The following MYH7 variants were observed in gnomAD, a reference collection of about 807,000 sequenced individuals.
MYH7 encodes myosin-7.
A neutral mutation model predicts 225.4 loss-of-function variants in MYH7; 129 were observed. That is an observed-to-expected ratio of 0.57 (90% confidence interval 0.50 to 0.66). The LOEUF (loss-of-function observed/expected upper bound fraction) is 0.66, where lower values mean the gene tolerates loss of function less well. Among genes scored for constraint, MYH7 ranks in the 30% least tolerant of loss-of-function variants. The pLI, the probability that MYH7 is intolerant of heterozygous loss-of-function variation, is 0.00. For missense variants in MYH7, 1,649 were observed against 2,517.0 expected, an observed-to-expected ratio of 0.66 and a Z score of 7.38; for synonymous variants, 971 against 1,007.6, an observed-to-expected ratio of 0.96 and a Z score of 0.69.
intron 12 of MYH7, among the ~76,000 whole-genome samples, 177 bp downstream of exon 12, chr14:23,429,598 C>CCCAGG (rs1203128792): frequency 6.6e-6 from 1 of 151,506 alleles, no homozygotes; most frequent in African/African-American, 2.4e-5. Context: ...ATCACTTGAA[C>CCCAGG]CCAGGATGTG....
chr14:23,425,141 C>A lies in MYH7; in HGVS notation c.2424-117G>T. On this transcript the variant is annotated intron_variant, in intron 21 of 39. Coordinates refer to ENST00000355349, the MANE Select transcript of MYH7 (RefSeq NM_000257.4). This position sits in a 1 kb window ranked among gnomAD's most constrained non-coding sequence, Gnocchi z 4.6. ...CTCCCACCCTTCCTGAGGCCTCTGA[C>A]CCTGTGACTGCAGTGTGTTCATATG... 4 of 1,600,132 alleles carry A rather than the reference C, an allele frequency of 2.5e-6. No individual in the cohort carries two copies. Among genetic ancestry groups the A allele is most frequent in the Non-Finnish European group, 3.4e-6 (4 of 1,169,406 alleles).
In MYH7 at chr14:23,433,690, A is replaced by C; in HGVS notation, c.43T>G (p.Tyr15Asp). 6.2e-7 allele frequency: 1 copy of C among 1,614,232 alleles called. No individual in the cohort carries two copies. The highest frequency in any genetic ancestry group is 8.5e-7 in the Non-Finnish European group (1 of 1,180,046). The part of the protein sequence containing the change: ...EMAVFGAAAP[Y>D]LRKSEKERLE... ...CGCTCCTTCTCTGACTTGCGCAGGTAGGGGGCGGCAGCCCCAAAGACTGCC... is the reference window on the plus strand; with the variant it reads ...CGCTCCTTCTCTGACTTGCGCAGGTCGGGGGCGGCAGCCCCAAAGACTGCC... Residue 15 changes from tyrosine (Y) to aspartate (D), a missense_variant, in exon 3 of 40, where the codon TAC becomes GAC. Physicochemically the swap from Tyr to Asp is radical, Grantham distance 160. Coordinates refer to ENST00000355349, the MANE Select transcript of MYH7 (RefSeq NM_000257.4). The surrounding 1 kb of genome is among the most constrained non-coding windows in gnomAD (Gnocchi z 4.1).
chr14:23,424,634 G>A (rs2138664997), intron 22 of MYH7, 135 bp downstream of exon 22: 1 of 1,440,846 alleles, frequency 6.9e-7, no homozygotes, highest in Non-Finnish European at 9.5e-7. Flanking sequence ...CTCTTTGGAG[G>A]TCTTTAGAAG....
intron 29 of MYH7, among the ~76,000 whole-genome samples, chr14:23,418,698 G>T (rs1187201853): frequency 6.6e-6 from 1 of 152,222 alleles, no homozygotes; most frequent in African/African-American, 2.4e-5. Context: ...GCTCAGAAAG[G>T]TTAGGGGACT....
At position 23,419,968 on chromosome 14, in the gene MYH7, G is replaced by C. The variant is rs201576345; in HGVS notation, c.3603C>G (p.Ala1201=). 5.0e-6 allele frequency: 8 copies of C among 1,606,416 alleles called. No homozygotes were observed. The highest frequency in any genetic ancestry group is 2.2e-5 in the East Asian group (1 of 44,750). ...ALRKKHADSV[A]ELGEQIDNLQ... ...GGTTGTCGATCTGCTCGCCCAGCTC[G>C]GCCACGCTGTCGGCGTGCTTCTTGC... Residue 1201 remains alanine (A), a synonymous_variant, in exon 27 of 40, where the codon GCC becomes GCG. Transcript: ENST00000355349.
At chr14:23,413,075 A>T (rs1488738160) in intron 39 of MYH7, among the ~76,000 whole-genome samples, 1 of 152,188 alleles carries the variant, frequency 6.6e-6, no homozygotes. Flanking sequence ...GGGGTTGGTC[A>T]GAGGGAAGTT....
At position 23,426,093 on chromosome 14, in the gene MYH7, A is replaced by C; in HGVS notation, c.2045-12T>G. ...GTTGTCCATCACCCCTGTGGCAAGA[A>C]GGAAGTAGGAGGAGTCTGTGAGAAC... On this transcript the variant is annotated splice_polypyrimidine_tract_variant and intron_variant, in intron 18 of 39. Coordinates refer to ENST00000355349, the MANE Select transcript of MYH7 (RefSeq NM_000257.4). 1 of 1,613,924 alleles carries C rather than the reference A, an allele frequency of 6.2e-7. No individual in the cohort carries two copies. The highest frequency in any genetic ancestry group is 8.5e-7 in the Non-Finnish European group (1 of 1,179,870).
intron 1 of MYH7, 110 bp from the exon 2 acceptor site, chr14:23,434,359 A>C: frequency 6.9e-6 from 5 of 721,874 alleles, no homozygotes; most frequent in Non-Finnish European, 8.5e-6. Context: ...CTTCCAAAAC[A>C]AGGTGGAAAG....
Position 23,428,722 on chromosome 14 carries a change from A to G in MYH7, c.1408-52T>C, listed in dbSNP as rs1176553697. ...AGTCAGAAAGTGGGTGTGAGTGGCC[A>G]TTGGGGCTGTGCCCGTCCACTGTGC... On this transcript the variant is annotated intron_variant, in intron 14 of 39. Coordinates refer to ENST00000355349, the MANE Select transcript of MYH7 (RefSeq NM_000257.4). The G allele has an allele frequency of 2.5e-6, 4 of 1,613,068 alleles. No homozygotes were observed. The South Asian group carries it at 3.3e-5, about 13-fold the overall frequency.
intron 12 of MYH7, 44 bp from the exon 13 acceptor site, chr14:23,429,391 G>T (rs1274906335): frequency 2.6e-6 from 4 of 1,561,314 alleles, no homozygotes; most frequent in Admixed American, 3.3e-5. Context: ...AGAGATGACT[G>T]CTGGCCAGGT....
chr14:23,423,911 T>C lies in MYH7; in HGVS notation c.2918A>G (p.Asn973Ser), dbSNP rs1892585319. 1 of 1,613,944 alleles carries C rather than the reference T, an allele frequency of 6.2e-7. No individual in the cohort carries two copies. Among genetic ancestry groups the C allele is most frequent in the South Asian group, 1.1e-5 (1 of 91,086 alleles). Reference sequence around the variant, plus strand: ...GCCAAAGGGAGCTGCCCTTACCTTGTTCTCTGTTGCGTGTTTCTCCTTCTC... The same window carrying C: ...GCCAAAGGGAGCTGCCCTTACCTTGCTCTCTGTTGCGTGTTTCTCCTTCTC... Reference protein sequence around the residue: ...KVEKEKHATENKVKNLTEEMA... With the variant: ...KVEKEKHATESKVKNLTEEMA... Residue 973 changes from asparagine to serine, a missense_variant, in exon 23 of 40, where the codon AAC becomes AGC. This residue lies in a region of MYH7 where 282 missense variants were observed against 315.3 expected (regional missense o/e 0.89). Coordinates refer to ENST00000355349, the MANE Select transcript of MYH7 (RefSeq NM_000257.4).
At position 23,433,073 on chromosome 14, in the gene MYH7, G is replaced by C. The variant is rs1283564790; in HGVS notation, c.345+11C>G. The C allele has an allele frequency of 1.9e-6, 3 of 1,614,138 alleles. No homozygotes were observed. Among genetic ancestry groups the C allele is most frequent in the African/African-American group, 2.7e-5 (2 of 75,038 alleles). On this transcript the variant is annotated intron_variant, in intron 4 of 39. Transcript: ENST00000355349. The surrounding 1 kb of genome is among the most constrained non-coding windows in gnomAD (Gnocchi z 4.1). ...CAGAGATCCCAACGTAGGGCCAGGT[G>C]CAGCACTCACGTAGATCATCCAGGA...
chr14:23,425,328 G>A lies in MYH7; in HGVS notation c.2377C>T (p.Arg793Ter), dbSNP rs140175704. The A allele has an allele frequency of 3.7e-6, 6 of 1,614,176 alleles. No homozygotes were observed. The highest frequency in any genetic ancestry group is 1.3e-5 in the African/African-American group (1 of 75,036). Residue 793 changes from arginine (R) to a stop codon, truncating the protein, a stop_gained, in exon 21 of 40, where the codon CGA (arginine) becomes TGA (stop). Transcript: ENST00000355349. LOFTEE classifies it high-confidence loss of function. This position sits in a 1 kb window ranked among gnomAD's most constrained non-coding sequence, Gnocchi z 4.6. The stretch of plus-strand genomic sequence containing the variant: ...TACTCCATTCTGGCGAGCACACCTC[G>A]GGACTGGGCCTGGATACGCGTGATG... The part of the protein sequence containing the change: ...RIITRIQAQS[R>*]GVLARMEYKK...
At chr14:23,430,320 G>A (rs904608768) in intron 11 of MYH7, among the ~76,000 whole-genome samples, 1 of 152,122 alleles carries the variant, frequency 6.6e-6, no homozygotes, top group Non-Finnish European at 1.5e-5. Context: ...CTTGGCTTGT[G>A]TGTCTCTCTG....
rs1447513429 is a variant in MYH7 at position 23,433,307 on chromosome 14, A to T, written c.202-80T>A. On this transcript the variant is annotated intron_variant, in intron 3 of 39. Coordinates refer to ENST00000355349, the MANE Select transcript of MYH7 (RefSeq NM_000257.4). The surrounding 1 kb of genome is among the most constrained non-coding windows in gnomAD (Gnocchi z 4.1). ...CAAGAGGGTTAGGAGTTGGTGAGTGACAGGGCAATAGTGCTCAAGAGAGAA... is the reference window on the plus strand; with the variant it reads ...CAAGAGGGTTAGGAGTTGGTGAGTGTCAGGGCAATAGTGCTCAAGAGAGAA... 1.3e-6 allele frequency: 2 copies of T among 1,600,002 alleles called. No homozygotes were observed. The highest frequency in any genetic ancestry group is 1.7e-6 in the Non-Finnish European group (2 of 1,170,288).
rs1391789257 is a variant in MYH7 at position 23,423,727 on chromosome 14, C to T, written c.2923-4G>A. On this transcript the variant is annotated splice_polypyrimidine_tract_variant and splice_region_variant and intron_variant, in intron 23 of 39. Coordinates refer to ENST00000355349, the MANE Select transcript of MYH7 (RefSeq NM_000257.4). ...TCTCCTCTGTCAGGTTTTTCACCTGCCGACCAAGAATCCCATCTCCTTTAG... is the reference window on the plus strand; with the variant it reads ...TCTCCTCTGTCAGGTTTTTCACCTGTCGACCAAGAATCCCATCTCCTTTAG... 6.2e-7 allele frequency: 1 copy of T among 1,614,080 alleles called. No individual in the cohort carries two copies. The highest frequency in any genetic ancestry group is 1.7e-5 in the Admixed American group (1 of 60,002).
chr14:23,427,588 C>T lies in MYH7; in HGVS notation c.1885G>A (p.Ala629Thr). ...GGGAGCCTCAGTCCCTACTTACGCG[C>T]ATCAGCCCCAGCATAGTTGGCAAAC... is the stretch of plus-strand genomic sequence containing the variant. Reference protein sequence around the residue: ...TLFANYAGADAPIEKGKGKAK... With the variant: ...TLFANYAGADTPIEKGKGKAK... The change falls in exon 16 of 40, where the codon GCG (alanine) becomes ACG (threonine). Residue 629 changes from alanine (A) to threonine (T), a missense_variant. Ala to Thr is a moderately conservative substitution (Grantham distance 58). Coordinates refer to ENST00000355349, the MANE Select transcript of MYH7 (RefSeq NM_000257.4). 1 of 1,614,116 alleles carries T rather than the reference C, an allele frequency of 6.2e-7. No individual in the cohort carries two copies. The highest frequency in any genetic ancestry group is 8.5e-7 in the Non-Finnish European group (1 of 1,180,016).
At chr14:23,434,126 G>A (rs1309203912) in intron 2 of MYH7, 68 bp downstream of exon 2, 1 of 966,344 alleles carries the variant, frequency 1.0e-6, no homozygotes, top group East Asian at 7.2e-5. Context: ...GAGTTCCATA[G>A]GCTGGCTTTG....
chr14:23,429,813 T>C lies in MYH7; in HGVS notation c.1100A>G (p.Lys367Arg). 1 of 1,613,598 alleles carries C rather than the reference T, an allele frequency of 6.2e-7. No individual in the cohort carries two copies. Among genetic ancestry groups the C allele is most frequent in the Admixed American group, 1.7e-5 (1 of 60,028 alleles). Residue 367 changes from lysine to arginine, a missense_variant, in exon 12 of 40, where the codon AAG (lysine) becomes AGG (arginine). Physicochemically the swap from Lys to Arg is conservative, Grantham distance 26. This residue lies in a region of MYH7 where 131 missense variants were observed against 231.3 expected (regional missense o/e 0.57). Transcript: ENST00000355349. Reference sequence around the variant, plus strand: ...TGGCTCCGCCTGCTCCTCCCGCTGCTTCAGCTTGAACTTCATGTTTCCAAA... The same window carrying C: ...TGGCTCCGCCTGCTCCTCCCGCTGCCTCAGCTTGAACTTCATGTTTCCAAA... ...MHFGNMKFKL[K>R]QREEQAEPDG...
Sources: allele counts gnomAD v4.1 joint callset (sites outside exome capture counted in the v4.1 genomes callset), GRCh38; gene constraint gnomAD v4.1.1; regional missense constraint gnomAD v4.1.1; non-coding constraint Gnocchi (gnomAD v3.1); transcripts MANE v1.5; gene names NCBI Gene and HGNC (gene_info 2026-07-23, HGNC 2026-07-21).